The following PLCE1 variants were observed in gnomAD, a reference collection of about 807,000 sequenced individuals.
The protein encoded by PLCE1 is phospholipase C epsilon 1.
In PLCE1, 119 loss-of-function variants were observed where a neutral mutation model predicts 242.8. The ratio of observed to expected loss-of-function variants is 0.49; its 90% CI spans 0.42 to 0.57. The LOEUF (loss-of-function observed/expected upper bound fraction) is 0.57, where lower values mean the gene tolerates loss of function less well. Ranked by LOEUF, PLCE1 falls within the 20% of genes least tolerant of loss-of-function variation. The pLI, the probability that PLCE1 is intolerant of heterozygous loss-of-function variation, is 0.00. For synonymous variants in PLCE1, 945 were observed against 1,017.4 expected (o/e 0.93, Z 1.35); for missense variants, 2,441 against 2,788.8 (o/e 0.88, Z 2.81).
rs151260435 is a variant in PLCE1 at position 94,079,899 on chromosome 10, A to G, written c.1206+47647A>G. On this transcript the variant is annotated intron_variant, in intron 2 of 32. Coordinates refer to ENST00000371380, the MANE Select transcript of PLCE1 (RefSeq NM_016341.4). ...TATTCCTTCCTTGGAGGAGTTTCCA[A>G]TGTTCCTTCTCCACTGTGTCCTCTG... 1.1e-3 allele frequency among the ~76,000 whole-genome samples: 175 copies of G among 152,282 alleles called. No individual in the cohort carries two copies. In the Middle Eastern group the frequency reaches 0.031, roughly 27 times the overall value.
intron 2 of PLCE1, among the ~76,000 whole-genome samples, chr10:94,064,965 A>G (rs570211206): frequency 5.3e-4 from 80 of 152,186 alleles, no homozygotes; most frequent in African/African-American, 1.9e-3. Flanking sequence ...ACTTTTTCTC[A>G]TTCTTTGTTC....
At chr10:94,064,743 C>A (rs2044152119) in intron 2 of PLCE1, among the ~76,000 whole-genome samples, 1 of 152,056 alleles carries the variant, frequency 6.6e-6, no homozygotes, top group Non-Finnish European at 1.5e-5. Context: ...GAGTACAGAA[C>A]CTGGGTTGCA....
chr10:94,128,442 C>A lies in PLCE1; in HGVS notation c.1207-3732C>A, dbSNP rs573095705. ...CCAGATCTTGGTAGTAATTTTTGAT[C>A]TCTTTCTGGTTCTTTGTGGTGAGGG... On this transcript the variant is annotated intron_variant, in intron 2 of 32. Coordinates refer to ENST00000371380, the MANE Select transcript of PLCE1 (RefSeq NM_016341.4). Among the ~76,000 whole-genome samples, 302 of 152,238 alleles carry A rather than the reference C, an allele frequency of 2.0e-3. 4 individuals carry two copies. The highest frequency in any genetic ancestry group is 7.0e-3 in the African/African-American group (290 of 41,548).
At chr10:94,050,690 C>CA (rs1210357630) in intron 2 of PLCE1, among the ~76,000 whole-genome samples, 4 of 149,812 alleles carry the variant, frequency 2.7e-5, no homozygotes, top group African/African-American at 4.9e-5. Flanking sequence ...GGTTTTTTTG[C>CA]AAAAAAATAA....
intron 1 of PLCE1, among the ~76,000 whole-genome samples, chr10:94,025,299 G>C (rs1478734850): frequency 3.9e-5 from 6 of 152,036 alleles, no homozygotes; most frequent in Non-Finnish European, 5.9e-5. Context: ...GGCTAATAAA[G>C]GAATATCCAT....
At chr10:94,269,450 T>G (rs1221407098) in intron 17 of PLCE1, among the ~76,000 whole-genome samples, 1 of 152,076 alleles carries the variant, frequency 6.6e-6, no homozygotes, top group African/African-American at 2.4e-5. Flanking sequence ...ACACCTTAGA[T>G]CAAGGGTCTT....
chr10:94,288,152 A>T (rs1314441701), intron 22 of PLCE1, among the ~76,000 whole-genome samples: 2 of 152,108 alleles, frequency 1.3e-5, no homozygotes, highest in Non-Finnish European at 2.9e-5. Flanking sequence ...ATAGTGATGA[A>T]GTCTGGGATT....
At chr10:94,302,591 C>A (rs145341827) in intron 24 of PLCE1, among the ~76,000 whole-genome samples, 67 of 152,140 alleles carry the variant, frequency 4.4e-4, no homozygotes, top group African/African-American at 1.6e-3. Flanking sequence ...GTATCCACAC[C>A]CCTATAAGAT....
At chr10:94,039,053 G>A (rs1321758403) in intron 2 of PLCE1, among the ~76,000 whole-genome samples, 1 of 152,128 alleles carries the variant, frequency 6.6e-6, no homozygotes, top group Non-Finnish European at 1.5e-5. Context: ...CATTTATACG[G>A]TAGCATGAAT....
chr10:94,211,253 T>C (rs1051592537), intron 4 of PLCE1, among the ~76,000 whole-genome samples: 3 of 152,184 alleles, frequency 2.0e-5, no homozygotes, highest in African/African-American at 7.2e-5. Context: ...TATCCACCAC[T>C]TCTTCACCCA....
At chr10:94,314,036 C>G (rs938557853) in intron 28 of PLCE1, among the ~76,000 whole-genome samples, 2 of 152,106 alleles carry the variant, frequency 1.3e-5, no homozygotes, top group Non-Finnish European at 2.9e-5. Flanking sequence ...GCCTAAGTCT[C>G]CTTATGCTGT....
At chr10:94,033,902 TTCATCATCA>T (rs531576312) in intron 2 of PLCE1, among the ~76,000 whole-genome samples, 75 of 152,002 alleles carry the variant, frequency 4.9e-4, no homozygotes, top group African/African-American at 1.8e-3. Flanking sequence ...TATTTTTACT[TTCATCATCA>T]TCATCATCAT....
At chr10:94,006,649 T>C (rs2061043663) in intron 1 of PLCE1, among the ~76,000 whole-genome samples, 1 of 152,250 alleles carries the variant, frequency 6.6e-6, no homozygotes, top group African/African-American at 2.4e-5. Flanking sequence ...AGTACTAAGC[T>C]CTAGGTTTCC....
intron 3 of PLCE1, among the ~76,000 whole-genome samples, chr10:94,167,557 T>C (rs972739036): frequency 1.3e-5 from 2 of 151,920 alleles, no homozygotes; most frequent in Non-Finnish European, 2.9e-5. Context: ...TAGGGGTACA[T>C]GTGCACAACG....
chr10:94,208,927 A>G (rs968100461), intron 4 of PLCE1, among the ~76,000 whole-genome samples: 5 of 152,250 alleles, frequency 3.3e-5, no homozygotes, highest in Admixed American at 6.5e-5. Context: ...GCACCAAGAC[A>G]TGACCCCAAA....
intron 2 of PLCE1, among the ~76,000 whole-genome samples, chr10:94,107,366 T>G (rs185088966): frequency 1.3e-5 from 2 of 152,228 alleles, no homozygotes; most frequent in Admixed American, 1.3e-4. Context: ...TTACATACAT[T>G]ATTGCATTTA....
At chr10:94,266,027 A>G in intron 16 of PLCE1, 69 bp downstream of exon 16, 2 of 1,474,858 alleles carry the variant, frequency 1.4e-6, no homozygotes, top group Non-Finnish European at 1.9e-6. Flanking sequence ...CCAAAGTCAA[A>G]AAAACCTGAC....
chr10:94,209,050 ATCATAC>A (rs2049254525), intron 4 of PLCE1, among the ~76,000 whole-genome samples: 1 of 152,370 alleles, frequency 6.6e-6, no homozygotes, highest in East Asian at 1.9e-4. Context: ...TTGTACAAAC[ATCATAC>A]TCTTTCCATT....
At chr10:94,252,925 G>C (rs752062049) in intron 9 of PLCE1, among the ~76,000 whole-genome samples, 1 of 152,150 alleles carries the variant, frequency 6.6e-6, no homozygotes, top group Non-Finnish European at 1.5e-5. Flanking sequence ...AGGCATAAAA[G>C]ACAGCTTGTT....
Sources: gnomAD v4.1 joint callset for allele counts (sites outside exome capture counted in the v4.1 genomes callset) on GRCh38, gnomAD v4.1.1 for gene constraint, MANE v1.5 for transcripts, NCBI Gene and HGNC (gene_info 2026-07-23, HGNC 2026-07-21) for gene names.